GPR149: variants seen among roughly 807,000 people sequenced by gnomAD.
GPR149 encodes the protein G protein-coupled receptor 149.
In GPR149, 50 loss-of-function variants were observed where a neutral mutation model predicts 50.2. The observed-to-expected ratio is 1.00, with a 90% CI of 0.79 to 1.26. GPR149 has a LOEUF of 1.26. GPR149 is among the 50% of genes most tolerant of loss of function. The probability of loss-of-function intolerance (pLI) is 0.00; values close to 1 mark genes in which losing one functional copy is unlikely to be tolerated. For missense variants in GPR149, 983 were observed against 895.4 expected (o/e 1.10, Z -1.25); for synonymous variants, 405 against 358.2 (o/e 1.13, Z -1.48).
rs1425158900 is a variant in GPR149, at chr3:154,337,571, A to G, written c.*128T>C. ...CTAGTTCCAGTTGTTCCCACAAAAA[A>G]ATTAACTATTAAATCAGTAAAACTA... On this transcript the variant is annotated 3_prime_UTR_variant, in exon 4 of 4. Coordinates refer to ENST00000389740, the MANE Select transcript of GPR149 (RefSeq NM_001038705.3). The G allele has an allele frequency of 9.9e-5, 73 of 738,262 alleles. No homozygotes were observed. Among genetic ancestry groups the G allele is most frequent in the Non-Finnish European group, 1.3e-5 (6 of 470,218 alleles). The allele number at this position is 738,262 out of a possible 1,614,324, so 45.7% of individuals were successfully genotyped here.
chr3:154,359,050 A>C (rs1397557185), intron 3 of GPR149, among the ~76,000 whole-genome samples: 1 of 152,178 alleles, frequency 6.6e-6, no homozygotes, highest in African/African-American at 2.4e-5. Context: ...TGTGAAAAAA[A>C]TCGTTTAACT....
At chr3:154,338,344 T>A in intron 3 of GPR149, 73 bp from the exon 4 acceptor site, 1 of 1,184,824 alleles carries the variant, frequency 8.4e-7, no homozygotes, top group Non-Finnish European at 1.2e-6. Flanking sequence ...ATTCATTTTG[T>A]TCATCAGAAT....
chr3:154,374,174 T>TTTC (rs1174352237), intron 3 of GPR149, among the ~76,000 whole-genome samples: 2 of 57,600 alleles, frequency 3.5e-5, no homozygotes, highest in African/African-American at 7.1e-5. Context: ...CTTTTCTTTT[T>TTTC]TTTTTTTTTT....
At chr3:154,371,091 T>C (rs1038793127) in intron 3 of GPR149, among the ~76,000 whole-genome samples, 67 of 152,296 alleles carry the variant, frequency 4.4e-4, no homozygotes, top group African/African-American at 1.5e-3. Context: ...TTTTCCTTAT[T>C]AAAGGCAATA....
chr3:154,402,554 T>C (rs368035738), intron 3 of GPR149, among the ~76,000 whole-genome samples: 3 of 35,006 alleles, frequency 8.6e-5, no homozygotes, highest in Non-Finnish European at 1.6e-4. Context: ...TGAAAGTTTC[T>C]AAGATCCATC....
At chr3:154,363,634 G>C (rs572210723) in intron 3 of GPR149, among the ~76,000 whole-genome samples, 1 of 152,208 alleles carries the variant, frequency 6.6e-6, no homozygotes, top group Non-Finnish European at 1.5e-5. Flanking sequence ...TCAAGCCAAG[G>C]GCAGTCTAAA....
chr3:154,411,578 C>T (rs1711835278), intron 3 of GPR149, among the ~76,000 whole-genome samples: 1 of 151,988 alleles, frequency 6.6e-6, no homozygotes, highest in Non-Finnish European at 1.5e-5. Context: ...TGCCTTTATG[C>T]ACATAAACTA....
intron 3 of GPR149, among the ~76,000 whole-genome samples, chr3:154,348,615 G>T (rs1713989631): frequency 2.6e-5 from 4 of 152,112 alleles, no homozygotes; most frequent in Admixed American, 2.6e-4. Flanking sequence ...AAGCCAAACT[G>T]ATAGAACTGA....
intron 3 of GPR149, among the ~76,000 whole-genome samples, chr3:154,399,758 T>C (rs1461484493): frequency 2.6e-5 from 4 of 152,182 alleles, no homozygotes; most frequent in Non-Finnish European, 5.9e-5. Context: ...TTTGATATCC[T>C]TTGAGTTTCT....
In GPR149 at chr3:154,428,935, G is replaced by A. The variant is rs1172943690; in HGVS notation, c.681C>T (p.Ser227=). 1.2e-6 allele frequency: 2 copies of A among 1,614,148 alleles called. No homozygotes were observed. Among genetic ancestry groups the A allele is most frequent in the East Asian group, 2.2e-5 (1 of 44,872 alleles). The change falls in exon 1 of 4, where the codon TCC becomes TCT. Residue 227 remains serine, a synonymous_variant. Transcript: ENST00000389740. ...CTCCACGGGAAATTTCCTGGTAGTT[G>A]GAGTGGAGTCTCGGCGGCTCCTCCG... ...LCSEEPPRLH[S]NYQEISRGAS... is the part of the protein sequence containing the mutation.
At chr3:154,425,803 G>GT (rs1281435688) in intron 2 of GPR149, among the ~76,000 whole-genome samples, 1 of 152,078 alleles carries the variant, frequency 6.6e-6, no homozygotes, top group Non-Finnish European at 1.5e-5. Flanking sequence ...CTAGCCTGCC[G>GT]TAAGACTCTT....
chr3:154,335,711 T>C lies in GPR149; in HGVS notation c.*1988A>G, dbSNP rs1713640565. On this transcript the variant is annotated 3_prime_UTR_variant, in exon 4 of 4. Coordinates refer to ENST00000389740, the MANE Select transcript of GPR149 (RefSeq NM_001038705.3). ...TTGTCTTCTATCTATTTCTTAATGC[T>C]CTTTAAACCTTGATTTCTGTTATAA... 2.0e-5 allele frequency: 3 copies of C among 152,182 alleles called. No homozygotes were observed. The highest frequency in any genetic ancestry group is 2.0e-4 in the Admixed American group (3 of 15,278). 9.4% of individuals were successfully genotyped at this position (152,182 alleles called of 1,614,324 possible).
intron 3 of GPR149, among the ~76,000 whole-genome samples, chr3:154,357,395 A>C (rs531420929): frequency 6.6e-6 from 1 of 152,186 alleles, no homozygotes; most frequent in East Asian, 1.9e-4. Flanking sequence ...GTGAACAGGC[A>C]ACCTACAAAA....
chr3:154,347,283 C>T (rs1016718028), intron 3 of GPR149, among the ~76,000 whole-genome samples: 3 of 152,212 alleles, frequency 2.0e-5, no homozygotes, highest in Non-Finnish European at 4.4e-5. Context: ...ACTCACAGTT[C>T]AGCATGGCTG....
At chr3:154,408,134 C>T (rs370869651) in intron 3 of GPR149, among the ~76,000 whole-genome samples, 19 of 152,102 alleles carry the variant, frequency 1.2e-4, no homozygotes, top group African/African-American at 4.3e-4. Flanking sequence ...GATAGCTTTT[C>T]CTTACAGTAG....
intron 3 of GPR149, among the ~76,000 whole-genome samples, chr3:154,411,880 G>A (rs970938269): frequency 6.6e-6 from 1 of 151,936 alleles, no homozygotes; most frequent in African/African-American, 2.4e-5. Flanking sequence ...ACCAATACCA[G>A]GGAAGGACAT....
chr3:154,339,013 T>C lies in GPR149; in HGVS notation c.1624-742A>G, dbSNP rs1301337859. ...TGCTTCAGAAATGAAGAAAATAAGATTGATTCTTAAAATAGTCTGTACTTT... is the reference window on the plus strand; with the variant it reads ...TGCTTCAGAAATGAAGAAAATAAGACTGATTCTTAAAATAGTCTGTACTTT... On this transcript the variant is annotated intron_variant, in intron 3 of 3. Coordinates refer to ENST00000389740, the MANE Select transcript of GPR149 (RefSeq NM_001038705.3). Among the ~76,000 whole-genome samples the C allele has an allele frequency of 3.3e-5, 5 of 152,316 alleles. No individual in the cohort carries two copies. The East Asian group carries it at 7.7e-4, about 23-fold the overall frequency.
At chr3:154,383,712 A>G (rs912523660) in intron 3 of GPR149, among the ~76,000 whole-genome samples, 1 of 151,948 alleles carries the variant, frequency 6.6e-6, no homozygotes, top group African/African-American at 2.4e-5. Context: ...TATGGTCTGG[A>G]TGTTTGTGTC....
rs1048531193 is a variant in GPR149, at chr3:154,427,543, A to G, written c.1147T>C (p.Tyr383His). ...TTTTTCCCATCGGACGCCACTGCAT[A>G]TGCGTTCTGCCTGCAGTTGATGATG... ...GCIINCRQNA[Y>H]AVASDGKKIK... Residue 383 changes from tyrosine (Y) to histidine (H), a missense_variant, in exon 2 of 4, where the codon TAT (tyrosine) becomes CAT (histidine). Tyr to His is a moderately conservative substitution (Grantham distance 83). Transcript: ENST00000389740. 39 of 1,613,318 alleles carry G rather than the reference A, an allele frequency of 2.4e-5. No homozygotes were observed. Among genetic ancestry groups the G allele is most frequent in the Non-Finnish European group, 3.1e-5 (37 of 1,179,780 alleles).
Sources: gnomAD v4.1 joint callset for allele counts (sites outside exome capture counted in the v4.1 genomes callset) on GRCh38, gnomAD v4.1.1 for gene constraint, MANE v1.5 for transcripts, NCBI Gene and HGNC (gene_info 2026-07-23, HGNC 2026-07-21) for gene names.